RBFOX1: variants seen among roughly 807,000 people sequenced by gnomAD.
RBFOX1 encodes RNA binding fox-1 homolog 1, also known as RNA binding protein fox-1 homolog 1.
Under a neutral mutation model 57.7 loss-of-function variants are expected in RBFOX1, and 8 were observed. The observed-to-expected ratio is 0.14, with a 90% CI of 0.08 to 0.25. The LOEUF (loss-of-function observed/expected upper bound fraction) is 0.25, where lower values mean the gene tolerates loss of function less well. RBFOX1 is among the 10% of genes least tolerant of loss of function. The pLI is 1.00. For synonymous variants in RBFOX1, 326 were observed against 222.4 expected (o/e 1.47, Z -4.15); for missense variants, 611 against 548.5 (o/e 1.11, Z -1.14).
At chr16:7,306,882 C>G (rs2096202014) in intron 4 of RBFOX1, among the ~76,000 whole-genome samples, 2 of 152,120 alleles carry the variant, frequency 1.3e-5, no homozygotes, top group African/African-American at 2.4e-5. Context: ...TAAGTAATAT[C>G]TTGTACCCAG....
At chr16:7,103,627 C>G (rs1296972288) in intron 4 of RBFOX1, among the ~76,000 whole-genome samples, 2 of 152,156 alleles carry the variant, frequency 1.3e-5, no homozygotes, top group African/African-American at 4.8e-5. Flanking sequence ...CTTCACCTCT[C>G]TGCAGTTTAT....
At chr16:6,253,959 A>G (rs999942590) in intron 1 of RBFOX1, among the ~76,000 whole-genome samples, 1 of 152,114 alleles carries the variant, frequency 6.6e-6, no homozygotes, top group Non-Finnish European at 1.5e-5. Flanking sequence ...CCTCAACTCA[A>G]GTAGGACAGA....
intron 3 of RBFOX1, among the ~76,000 whole-genome samples, chr16:6,905,567 G>C (rs1398561479): frequency 7.3e-6 from 1 of 137,716 alleles, no homozygotes; most frequent in Non-Finnish European, 1.6e-5. Context: ...AAAAAAAAAA[G>C]TGTAGATGTT....
intron 1 of RBFOX1, among the ~76,000 whole-genome samples, chr16:5,252,753 A>G (rs2062484873): frequency 6.6e-6 from 1 of 152,202 alleles, no homozygotes; most frequent in Non-Finnish European, 1.5e-5. Flanking sequence ...AAGATGGCAA[A>G]CAGTGTGCAG....
intron 3 of RBFOX1, among the ~76,000 whole-genome samples, chr16:6,824,596 G>T (rs1316499100): frequency 5.9e-5 from 9 of 152,060 alleles, no homozygotes; most frequent in South Asian, 2.1e-4. Context: ...TAAGTTAAAG[G>T]TGTGCTGTTT....
intron 3 of RBFOX1, among the ~76,000 whole-genome samples, chr16:7,015,836 A>G (rs1468123869): frequency 6.6e-6 from 1 of 152,102 alleles, no homozygotes; most frequent in Non-Finnish European, 1.5e-5. Flanking sequence ...TTATTCCACA[A>G]TAAGCAATTG....
intron 3 of RBFOX1, among the ~76,000 whole-genome samples, chr16:5,837,201 C>T (rs757424529): frequency 2.6e-5 from 4 of 151,982 alleles, no homozygotes; most frequent in African/African-American, 9.7e-5. Context: ...CCTCCTCCCA[C>T]GGAGGCTTTG....
At chr16:7,027,055 C>G (rs1302860016) in intron 3 of RBFOX1, among the ~76,000 whole-genome samples, 4 of 152,104 alleles carry the variant, frequency 2.6e-5, no homozygotes, top group Non-Finnish European at 5.9e-5. Flanking sequence ...ACAATAGGAC[C>G]CTTGCTGAGA....
At chr16:7,385,344 G>A (rs914202500) in intron 4 of RBFOX1, among the ~76,000 whole-genome samples, 5 of 152,174 alleles carry the variant, frequency 3.3e-5, no homozygotes, top group Non-Finnish European at 7.4e-5. Flanking sequence ...AGGTGGTTCT[G>A]AAATGGAAGG....
At position 5,831,101 on chromosome 16, in the gene RBFOX1, G is replaced by C. The variant is rs60215677; in HGVS notation, c.319-36202G>C. Among the ~76,000 whole-genome samples the C allele has an allele frequency of 7.7e-3, 1,178 of 152,278 alleles. 16 individuals are homozygous for C. Among genetic ancestry groups the C allele is most frequent in the African/African-American group, 0.026 (1,081 of 41,538 alleles). ...AGCATCTTTAACAGTACGTGCCACAGAGTAGGCATTTGATGTGGTTTGGAT... is the reference window on the plus strand; with the variant it reads ...AGCATCTTTAACAGTACGTGCCACACAGTAGGCATTTGATGTGGTTTGGAT... On this transcript the variant is annotated intron_variant, in intron 3 of 19. Coordinates refer to the RBFOX1 transcript ENST00000641259.
chr16:5,281,564 C>A (rs1333822900), intron 1 of RBFOX1, among the ~76,000 whole-genome samples: 1 of 152,164 alleles, frequency 6.6e-6, no homozygotes, highest in Non-Finnish European at 1.5e-5. Context: ...CTCTATCTCT[C>A]CGTCTAGATT....
intron 2 of RBFOX1, among the ~76,000 whole-genome samples, chr16:5,552,233 C>A (rs1282827352): frequency 6.6e-6 from 1 of 152,148 alleles, no homozygotes; most frequent in Non-Finnish European, 1.5e-5. Flanking sequence ...GGGGATGATT[C>A]TTTTCCCCTG....
intron 5 of RBFOX1, among the ~76,000 whole-genome samples, chr16:7,541,118 C>T (rs553091937): frequency 1.3e-5 from 2 of 152,316 alleles, no homozygotes; most frequent in African/African-American, 2.4e-5. Context: ...CTGCTTTTCG[C>T]CCCTGACTGC....
rs563164772 is a variant in RBFOX1 at position 6,230,291 on chromosome 16, A to T, written c.-126-86704A>T. ...ACACTTACTATATGCTTGGTAATTC[A>T]TGTGTATTAACTCAGTTAATAATTA... On this transcript the variant is annotated intron_variant, in intron 1 of 15. Transcript: ENST00000550418. Among the ~76,000 whole-genome samples the T allele has an allele frequency of 4.6e-5, 7 of 152,286 alleles. No individual in the cohort carries two copies. In the South Asian group the frequency reaches 1.5e-3, roughly 32 times the overall value.
Position 6,422,778 on chromosome 16 carries a change from G to A in RBFOX1, c.-64+105721G>A, listed in dbSNP as rs149619643. 5.1e-3 allele frequency among the ~76,000 whole-genome samples: 780 copies of A among 152,168 alleles called. 3 individuals carry two copies. Among genetic ancestry groups the A allele is most frequent in the Admixed American group, 0.013 (192 of 15,272 alleles). On this transcript the variant is annotated intron_variant, in intron 2 of 15. Coordinates refer to ENST00000550418, the MANE Select transcript of RBFOX1 (RefSeq NM_018723.4). Reference sequence around the variant, plus strand: ...CCAAATCATTCCTGATAAATCCACCGCTGTGAGCCAACCACCTCCCACCAG... The same window carrying A: ...CCAAATCATTCCTGATAAATCCACCACTGTGAGCCAACCACCTCCCACCAG...
chr16:7,672,972 T>C (rs1319461713), intron 13 of RBFOX1, among the ~76,000 whole-genome samples: 1 of 151,632 alleles, frequency 6.6e-6, no homozygotes, highest in Non-Finnish European at 1.5e-5. Context: ...ATTTAAGTTG[T>C]ATGTGTATAT....
intron 3 of RBFOX1, among the ~76,000 whole-genome samples, chr16:7,003,227 G>T (rs905929463): frequency 3.3e-5 from 5 of 152,084 alleles, no homozygotes; most frequent in Admixed American, 2.6e-4. Context: ...TTGGGAGGCC[G>T]AGGTGGGTGG....
At chr16:5,256,637 A>G (rs2062596886) in intron 1 of RBFOX1, among the ~76,000 whole-genome samples, 1 of 152,044 alleles carries the variant, frequency 6.6e-6, no homozygotes, top group African/African-American at 2.4e-5. Flanking sequence ...CTTTCTATTA[A>G]AAAAAATAGC....
intron 1 of RBFOX1, among the ~76,000 whole-genome samples, chr16:6,311,356 A>G (rs1037059950): frequency 6.7e-6 from 1 of 149,864 alleles, no homozygotes; most frequent in Non-Finnish European, 1.5e-5. Context: ...TGTTCTTGTT[A>G]GGCTCACTCA....
Sources: gnomAD v4.1 joint callset for allele counts (sites outside exome capture counted in the v4.1 genomes callset) on GRCh38, gnomAD v4.1.1 for gene constraint, MANE v1.5 for transcripts, NCBI Gene and HGNC (gene_info 2026-07-23, HGNC 2026-07-21) for gene names.